The following TANK variants were observed in gnomAD, a reference collection of about 807,000 sequenced individuals.
TANK encodes the protein TRAF family member associated NFKB activator.
In TANK, 15 loss-of-function variants were observed where a neutral mutation model predicts 43.6. The observed-to-expected ratio is 0.34, with a 90% CI of 0.23 to 0.53. The LOEUF is 0.53. Among genes scored for constraint, TANK ranks in the 20% least tolerant of loss-of-function variants. The pLI is 0.94. For synonymous variants in TANK, 162 were observed against 178.2 expected, an observed-to-expected ratio of 0.91 and a Z score of 0.73; for missense variants, 417 against 498.6, an observed-to-expected ratio of 0.84 and a Z score of 1.56.
intron 1 of TANK, chr2:161,161,815 T>G (rs2105250370): frequency 6.3e-6 from 1 of 157,708 alleles, no homozygotes; most frequent in African/African-American, 2.4e-5. Flanking sequence ...CTCATTAGAC[T>G]ACAGATTTCA....
At chr2:161,178,110 C>T (rs929486118) in intron 1 of TANK, among the ~76,000 whole-genome samples, 2 of 152,006 alleles carry the variant, frequency 1.3e-5, no homozygotes, top group Non-Finnish European at 2.9e-5. Flanking sequence ...GGCAGTTCCT[C>T]AAAAAGTTAA....
rs572493930 is a variant in TANK, at chr2:161,215,790, A to G, written c.328-8125A>G. The stretch of plus-strand genomic sequence containing the variant: ...GTCACCTAATTTTTCATTTGCACCT[A>G]TACACTCTGAGCTTCTCTGCTGCTT... On this transcript the variant is annotated intron_variant, in intron 4 of 7. Coordinates refer to ENST00000392749, the MANE Select transcript of TANK (RefSeq NM_001199135.3). Among the ~76,000 whole-genome samples the G allele has an allele frequency of 1.4e-4, 21 of 152,186 alleles. No individual in the cohort carries two copies. In the South Asian group the frequency reaches 4.4e-3, roughly 32 times the overall value.
At chr2:161,221,398 A>G (rs887759381) in intron 4 of TANK, among the ~76,000 whole-genome samples, 1 of 152,212 alleles carries the variant, frequency 6.6e-6, no homozygotes, top group African/African-American at 2.4e-5. Context: ...ATTTGAGAAT[A>G]GAAAGAAAAA....
intron 1 of TANK, among the ~76,000 whole-genome samples, chr2:161,178,775 A>G (rs1685287621): frequency 6.6e-6 from 1 of 152,194 alleles, no homozygotes; most frequent in Non-Finnish European, 1.5e-5. Flanking sequence ...CAAACATGAA[A>G]TAACTCGGTA....
chr2:161,176,674 G>C (rs1685187475), intron 1 of TANK, among the ~76,000 whole-genome samples: 1 of 152,120 alleles, frequency 6.6e-6, no homozygotes, highest in South Asian at 2.1e-4. Context: ...CTTAGAAATT[G>C]GGTCCAAACA....
At chr2:161,174,626 G>C (rs1361218571) in intron 1 of TANK, among the ~76,000 whole-genome samples, 1 of 152,126 alleles carries the variant, frequency 6.6e-6, no homozygotes, top group Non-Finnish European at 1.5e-5. Context: ...TAAAGTTAAA[G>C]GAGATTCTAT....
At chr2:161,157,098 C>CGCT (rs1684247890), upstream of TANK, among the ~76,000 whole-genome samples, 1 of 152,182 alleles carries the variant, frequency 6.6e-6, no homozygotes, top group South Asian at 2.1e-4. Context: ...ACTTCTTAGC[C>CGCT]ATCACACATA....
chr2:161,142,587 C>T (rs754714688), intron 1 of TANK, among the ~76,000 whole-genome samples: 2 of 152,090 alleles, frequency 1.3e-5, no homozygotes, highest in African/African-American at 2.4e-5. Context: ...GAATCCTTTC[C>T]CCATTGCTTG....
chr2:161,221,662 CTTT>C (rs75309944), intron 4 of TANK, among the ~76,000 whole-genome samples: 5 of 140,826 alleles, frequency 3.6e-5, no homozygotes, highest in Admixed American at 7.1e-5. Context: ...AAACCGTTTA[CTTT>C]TTTTTTTTTT....
At chr2:161,216,979 A>T (rs1010991726) in intron 4 of TANK, among the ~76,000 whole-genome samples, 4 of 152,220 alleles carry the variant, frequency 2.6e-5, no homozygotes, top group Non-Finnish European at 1.5e-5. Flanking sequence ...TATAGACGGA[A>T]TGCTGCTGTA....
At chr2:161,180,715 C>T (rs1046151816) in intron 2 of TANK, among the ~76,000 whole-genome samples, 10 of 152,162 alleles carry the variant, frequency 6.6e-5, no homozygotes, top group African/African-American at 2.4e-4. Context: ...TTGGATCATA[C>T]TCATAGTTAA....
chr2:161,168,777 G>C (rs2105268621), intron 1 of TANK, among the ~76,000 whole-genome samples: 1 of 152,306 alleles, frequency 6.6e-6, no homozygotes, highest in Non-Finnish European at 1.5e-5. Context: ...AGGTTGCAAT[G>C]AGCTGAGATC....
At chr2:161,224,542 G>A (rs1002434485) in intron 5 of TANK, 89 bp from the exon 6 acceptor site, 11 of 488,012 alleles carry the variant, frequency 2.3e-5, no homozygotes, top group Non-Finnish European at 3.6e-5. Flanking sequence ...TTATTTTGTG[G>A]CACATAAAAT....
chr2:161,210,290 T>C lies in TANK; in HGVS notation c.327+5497T>C, dbSNP rs573810471. ...AAGAAAGCTGTTGTCTAAAAAGTCA[T>C]TTGTCAATCACTTACACAAGAAGTA... On this transcript the variant is annotated intron_variant, in intron 4 of 7. Coordinates refer to ENST00000392749, the MANE Select transcript of TANK (RefSeq NM_001199135.3). Among the ~76,000 whole-genome samples, 30 of 152,318 alleles carry C rather than the reference T, an allele frequency of 2.0e-4. No homozygotes were observed. The South Asian group carries it at 5.4e-3, about 27-fold the overall frequency.
chr2:161,215,769 C>T (rs1031049048), intron 4 of TANK, among the ~76,000 whole-genome samples: 3 of 152,088 alleles, frequency 2.0e-5, no homozygotes, highest in African/African-American at 4.8e-5. Flanking sequence ...GGAAGAGTCA[C>T]CTAATTTTTC....
intron 3 of TANK, among the ~76,000 whole-genome samples, chr2:161,204,039 G>A (rs1292056634): frequency 6.6e-6 from 1 of 152,112 alleles, no homozygotes; most frequent in Non-Finnish European, 1.5e-5. Context: ...GAATAGCTAT[G>A]TAGCCAAGAA....
chr2:161,161,371 C>G, intron 1 of TANK: 1 of 1,550,752 alleles, frequency 6.4e-7, no homozygotes, highest in Non-Finnish European at 8.7e-7. Context: ...AAGAAAATGA[C>G]CTGCCTTCTT....
Position 161,224,649 on chromosome 2 carries a change from T to G in TANK, c.423T>G (p.Thr141=), listed in dbSNP as rs1687521476. ...LLHERGNIEK[T]FWDLKEEFHK... ...TTTTTAGGGGTAATATAGAGAAGAC[T>G]TTCTGGGATCTGAAAGAAGAATTTC... The change falls in exon 6 of 8, where the codon ACT becomes ACG. Residue 141 remains threonine (T), a synonymous_variant. Transcript: ENST00000392749. 1 of 1,578,314 alleles carries G rather than the reference T, an allele frequency of 6.3e-7. No individual in the cohort carries two copies.
In TANK at chr2:161,188,756, G is replaced by T. The variant is rs759227614; in HGVS notation, c.99+8995G>T. Among the ~76,000 whole-genome samples, 7 of 152,262 alleles carry T rather than the reference G, an allele frequency of 4.6e-5. No individual in the cohort carries two copies. In the South Asian group the frequency reaches 1.5e-3, roughly 32 times the overall value. On this transcript the variant is annotated intron_variant, in intron 2 of 7. Transcript: ENST00000392749. ...GTATCACTTATGAATATTTGCTATG[G>T]TTTGAATGTTTGTCGCCTCCAAAAC...
Sources: allele counts gnomAD v4.1 joint callset (sites outside exome capture counted in the v4.1 genomes callset), GRCh38; gene constraint gnomAD v4.1.1; transcripts MANE v1.5; gene names NCBI Gene and HGNC (gene_info 2026-07-23, HGNC 2026-07-21).